The following MCTP1 variants were observed in gnomAD, a reference collection of about 807,000 sequenced individuals.
The protein encoded by MCTP1 is multiple C2 and transmembrane domain containing 1.
Under a neutral mutation model 120.6 loss-of-function variants are expected in MCTP1, and 69 were observed. That is an observed-to-expected ratio of 0.57 (90% confidence interval 0.47 to 0.70). The LOEUF is 0.70. MCTP1 is among the 30% of genes least tolerant of loss of function. The probability of loss-of-function intolerance (pLI) is 0.00; values close to 1 mark genes in which losing one functional copy is unlikely to be tolerated. For missense variants in MCTP1, 1,203 were observed against 1,248.8 expected, an observed-to-expected ratio of 0.96 and a Z score of 0.55; for synonymous variants, 529 against 493.1, an observed-to-expected ratio of 1.07 and a Z score of -0.96.
intron 1 of MCTP1, among the ~76,000 whole-genome samples, chr5:95,269,675 A>C (rs781211425): frequency 1.1e-4 from 16 of 152,240 alleles, no homozygotes; most frequent in Non-Finnish European, 1.9e-4. Context: ...TGGCGTGGTG[A>C]TGTGGCCTCA....
At chr5:95,024,150 G>A (rs569109746) in intron 1 of MCTP1, 29 of 417,704 alleles carry the variant, frequency 6.9e-5, no homozygotes, top group African/African-American at 5.4e-4. Flanking sequence ...TGCTTTTGGG[G>A]TCTTATCAAA....
intron 10 of MCTP1, among the ~76,000 whole-genome samples, chr5:94,900,984 T>G (rs544076301): frequency 2.0e-5 from 3 of 152,218 alleles, no homozygotes; most frequent in Non-Finnish European, 4.4e-5. Flanking sequence ...TCAAGTGATC[T>G]GCATCAAATT....
intron 1 of MCTP1, among the ~76,000 whole-genome samples, chr5:95,091,032 C>T (rs565038042): frequency 2.6e-5 from 4 of 152,278 alleles, no homozygotes; most frequent in African/African-American, 7.2e-5. Context: ...CAAATTACTT[C>T]GTAGACACCT....
chr5:94,996,633 T>C (rs1051096649), intron 2 of MCTP1, among the ~76,000 whole-genome samples: 1 of 152,190 alleles, frequency 6.6e-6, no homozygotes, highest in Non-Finnish European at 1.5e-5. Flanking sequence ...GTATTGTTTA[T>C]GGTATAATGG....
chr5:95,199,649 G>A (rs953732381), intron 1 of MCTP1, among the ~76,000 whole-genome samples: 7 of 151,236 alleles, frequency 4.6e-5, no homozygotes, highest in African/African-American at 1.2e-4. Flanking sequence ...CTTGAGGTCA[G>A]GGGGTCAAGA....
At chr5:94,889,750 C>CACA (rs1802136000) in intron 11 of MCTP1, among the ~76,000 whole-genome samples, 33 of 145,714 alleles carry the variant, frequency 2.3e-4, no homozygotes, top group Non-Finnish European at 3.9e-4. Flanking sequence ...TGAATGTACA[C>CACA]CACACACACA....
At chr5:94,785,878 C>A (rs255353) in intron 18 of MCTP1, among the ~76,000 whole-genome samples, 55,551 of 151,896 alleles carry the variant, frequency 0.37, 10,750 homozygotes, top group East Asian at 0.64. Context: ...TTTGCTCCAA[C>A]CCCATCAATA....
At position 95,284,255 on chromosome 5, in the gene MCTP1, C is replaced by G; in HGVS notation, c.321G>C (p.Leu107=). ...CGGCTCTGCCGGCGCCGCCGGGCTC[C>G]AGGGGCTCCGGCGACGAGCAGCACA... is the stretch of plus-strand genomic sequence containing the variant. ...PNLCCSSPEP[L]EPGGAGRAEQ... Residue 107 remains leucine, a synonymous_variant, in exon 1 of 23, where the codon CTG becomes CTC. Transcript: ENST00000515393. The surrounding 1 kb of genome is among the most constrained non-coding windows in gnomAD (Gnocchi z 5.2). The G allele has an allele frequency of 6.3e-7, 1 of 1,591,176 alleles. No homozygotes were observed. The highest frequency in any genetic ancestry group is 8.5e-7 in the Non-Finnish European group (1 of 1,175,620).
chr5:95,234,605 T>A (rs1013947338), intron 1 of MCTP1, among the ~76,000 whole-genome samples: 3 of 152,200 alleles, frequency 2.0e-5, no homozygotes, highest in South Asian at 4.1e-4. Flanking sequence ...TGAAACCTCA[T>A]GTCTACTTCT....
intron 12 of MCTP1, among the ~76,000 whole-genome samples, chr5:94,885,319 A>G (rs1460748731): frequency 6.7e-6 from 1 of 150,032 alleles, no homozygotes; most frequent in African/African-American, 2.4e-5. Flanking sequence ...AAAAAAACAG[A>G]GAGAAAGAGA....
chr5:94,927,399 A>T (rs1467484406), intron 6 of MCTP1, among the ~76,000 whole-genome samples: 1 of 152,186 alleles, frequency 6.6e-6, no homozygotes, highest in East Asian at 1.9e-4. Flanking sequence ...CAAAGTAAAA[A>T]TCTTTTAAAA....
intron 1 of MCTP1, among the ~76,000 whole-genome samples, chr5:95,193,936 C>G (rs1037454288): frequency 6.6e-6 from 1 of 152,118 alleles, no homozygotes; most frequent in Non-Finnish European, 1.5e-5. Flanking sequence ...GAAAGCCAGG[C>G]GTGGTGCTTC....
intron 1 of MCTP1, among the ~76,000 whole-genome samples, chr5:95,273,269 A>T (rs919248202): frequency 7.2e-5 from 11 of 152,274 alleles, no homozygotes; most frequent in African/African-American, 2.2e-4. Context: ...CAATATAAGA[A>T]CAGGAATGGA....
At chr5:94,903,553 C>T (rs533186372) in intron 10 of MCTP1, among the ~76,000 whole-genome samples, 90 of 152,160 alleles carry the variant, frequency 5.9e-4, no homozygotes, top group African/African-American at 2.1e-3. Flanking sequence ...TGTTCTTCAC[C>T]CAGAACTTAC....
At chr5:94,779,710 G>T (rs759117067) in intron 18 of MCTP1, among the ~76,000 whole-genome samples, 8 of 151,888 alleles carry the variant, frequency 5.3e-5, no homozygotes, top group Non-Finnish European at 1.0e-4. Flanking sequence ...TGATTTTGTG[G>T]ATTACCCAAA....
At chr5:94,973,540 G>A (rs465714) in intron 2 of MCTP1, among the ~76,000 whole-genome samples, 8,699 of 152,160 alleles carry the variant, frequency 0.057, 316 homozygotes, top group African/African-American at 0.092. Flanking sequence ...TGAAGACAGA[G>A]ACCATTTTTG....
In MCTP1 at chr5:94,873,195, C is replaced by T; in HGVS notation, c.1980G>A (p.Leu660=). ...FCVVELNNDR[L]LTHTVYKNLN... ...GATTTTTGTAGACAGTATGTGTTAGCAGTCTATCGTTGTTCAGTTCTACCA... is the reference window on the plus strand; with the variant it reads ...GATTTTTGTAGACAGTATGTGTTAGTAGTCTATCGTTGTTCAGTTCTACCA... The change falls in exon 13 of 23, where the codon CTG becomes CTA. Residue 660 remains leucine (L), a synonymous_variant. Coordinates refer to ENST00000515393, the MANE Select transcript of MCTP1 (RefSeq NM_024717.7). 6.2e-7 allele frequency: 1 copy of T among 1,611,218 alleles called. No individual in the cohort carries two copies. Among genetic ancestry groups the T allele is most frequent in the Non-Finnish European group, 8.5e-7 (1 of 1,177,952 alleles).
At chr5:95,139,076 TC>T (rs913346224) in intron 1 of MCTP1, among the ~76,000 whole-genome samples, 5 of 152,230 alleles carry the variant, frequency 3.3e-5, no homozygotes, top group Admixed American at 2.6e-4. Flanking sequence ...GGTTTTTTTT[TC>T]CTTTCAAATA....
intron 1 of MCTP1, among the ~76,000 whole-genome samples, chr5:95,235,089 T>C (rs1755393794): frequency 1.3e-5 from 2 of 151,954 alleles, no homozygotes; most frequent in Non-Finnish European, 2.9e-5. Context: ...TTTAGCAATA[T>C]ATAAACAATA....
Sources: allele counts gnomAD v4.1 joint callset (sites outside exome capture counted in the v4.1 genomes callset), GRCh38; gene constraint gnomAD v4.1.1; non-coding constraint Gnocchi (gnomAD v3.1); transcripts MANE v1.5; gene names NCBI Gene and HGNC (gene_info 2026-07-23, HGNC 2026-07-21).